Variants in ABAT observed in about 807,000 individuals in gnomAD.
ABAT encodes the protein 4-aminobutyrate aminotransferase, mitochondrial.
Under a neutral mutation model 64.6 loss-of-function variants are expected in ABAT, and 45 were observed. That is an observed-to-expected ratio of 0.70 (90% CI 0.55 to 0.89). The LOEUF is 0.89. Among genes scored for constraint, ABAT ranks in the 40% least tolerant of loss-of-function variants. The pLI, the probability that ABAT is intolerant of heterozygous loss-of-function variation, is 0.00. For synonymous variants in ABAT, 297 were observed against 250.5 expected, an observed-to-expected ratio of 1.19 and a Z score of -1.75; for missense variants, 633 against 658.4, an observed-to-expected ratio of 0.96 and a Z score of 0.42.
chr16:8,770,834 A>C lies in ABAT; in HGVS notation c.816+1861A>C, dbSNP rs573296819. Among the ~76,000 whole-genome samples the C allele has an allele frequency of 1.9e-4, 29 of 152,324 alleles. 1 individual carries two copies. The South Asian group carries it at 5.0e-3, about 26-fold the overall frequency. ...AATATATTCAAAATATTATCACGTAAATGTGTAATTAGTATTTTTAAACAA... is the reference window on the plus strand; with the variant it reads ...AATATATTCAAAATATTATCACGTACATGTGTAATTAGTATTTTTAAACAA... On this transcript the variant is annotated intron_variant, in intron 11 of 15. Transcript: ENST00000268251.
At chr16:8,757,471 T>A (rs1056082051) in intron 5 of ABAT, among the ~76,000 whole-genome samples, 1 of 152,078 alleles carries the variant, frequency 6.6e-6, no homozygotes, top group South Asian at 2.1e-4. Flanking sequence ...CGTGGCGCAT[T>A]TATCTCACCT....
intron 11 of ABAT, among the ~76,000 whole-genome samples, chr16:8,771,104 T>C (rs2060093095): frequency 6.6e-6 from 1 of 152,066 alleles, no homozygotes; most frequent in Non-Finnish European, 1.5e-5. Flanking sequence ...AAGAGCAGCC[T>C]GACTAACATG....
At chr16:8,731,642 T>A (rs2058722075) in intron 1 of ABAT, 1 of 152,076 alleles carries the variant, frequency 6.6e-6, no homozygotes, top group Non-Finnish European at 1.5e-5. Context: ...CTTTTTTTTT[T>A]TTTAATTGTT....
chr16:8,781,118 G>A lies in ABAT; in HGVS notation c.1382-191G>A. 1 of 819,850 alleles carries A rather than the reference G, an allele frequency of 1.2e-6. No homozygotes were observed. The highest frequency in any genetic ancestry group is 2.1e-6 in the Non-Finnish European group (1 of 470,668). 50.8% of individuals were successfully genotyped at this position (819,850 alleles called of 1,614,324 possible). ...AGAATGATGGAGGAGATGAATGAGG[G>A]GAGAGAGAAAGGAAATGAAGACTGG... On this transcript the variant is annotated intron_variant, in intron 15 of 15. Transcript: ENST00000268251. This position sits in a 1 kb window ranked among gnomAD's most constrained non-coding sequence, Gnocchi z 4.5.
intron 2 of ABAT, chr16:8,737,228 C>T (rs550610821): frequency 2.6e-5 from 4 of 152,294 alleles, no homozygotes; most frequent in African/African-American, 9.6e-5. Flanking sequence ...ACTGTAATCC[C>T]AGCACTTTGG....
At chr16:8,752,404 G>A (rs1158520069) in intron 5 of ABAT, among the ~76,000 whole-genome samples, 3 of 152,164 alleles carry the variant, frequency 2.0e-5, no homozygotes. Context: ...CAGTCTGAAT[G>A]CCCAGCTAGC....
chr16:8,768,375 CA>C lies in ABAT; in HGVS notation c.667+120del, dbSNP rs33948976. 912,303 of 1,054,044 alleles carry C rather than the reference CA, an allele frequency of 0.87. 395,521 individuals are homozygous for C. Among genetic ancestry groups the C allele is most frequent in the Admixed American group, 0.91 (48,123 of 53,058 alleles). 65.3% of individuals were successfully genotyped at this position (1,054,044 alleles called of 1,614,324 possible). A position where few individuals can be genotyped will look rare whatever the true frequency, so the allele number is the denominator to read the frequency against. On this transcript the variant is annotated intron_variant, in intron 10 of 15. Transcript: ENST00000268251. ...TTGTCCCACTGATTGCACACAATCC[CA>C]CTGCAGAGTGGGGATTATTATTCCT...
chr16:8,712,944 C>G (rs1447740755), intron 1 of ABAT: 1 of 152,266 alleles, frequency 6.6e-6, no homozygotes, highest in Non-Finnish European at 1.5e-5. Flanking sequence ...GCTCTCTGCC[C>G]CCCCAACCCC....
rs372807667 is a variant in ABAT, at chr16:8,768,834, C to G, written c.677C>G (p.Ala226Gly). The G allele has an allele frequency of 6.8e-6, 11 of 1,614,038 alleles. No individual in the cohort carries two copies. The highest frequency in any genetic ancestry group is 9.3e-6 in the Non-Finnish European group (11 of 1,180,036). ...AFHGRTMGCL[A>G]TTHSKAIHKI... Reference sequence around the variant, plus strand: ...GTTTTGCTGAACTCAGGTTGCTTAGCGACCACGCACTCTAAAGCCATTCAC... The same window carrying G: ...GTTTTGCTGAACTCAGGTTGCTTAGGGACCACGCACTCTAAAGCCATTCAC... Residue 226 changes from alanine to glycine, a missense_variant, in exon 11 of 16, where the codon GCG (alanine) becomes GGG (glycine). Physicochemically the swap from Ala to Gly is moderately conservative, Grantham distance 60. Coordinates refer to ENST00000268251, the MANE Select transcript of ABAT (RefSeq NM_020686.6).
At chr16:8,714,326 A>AC (rs962078890) in intron 1 of ABAT, among the ~76,000 whole-genome samples, 6 of 151,980 alleles carry the variant, frequency 3.9e-5, no homozygotes, top group African/African-American at 1.2e-4. Context: ...AAACACACAC[A>AC]CCCCTTTCTC....
chr16:8,774,786 G>A (rs146300820), intron 12 of ABAT, 104 bp from the exon 13 acceptor site: 10 of 1,407,060 alleles, frequency 7.1e-6, no homozygotes, highest in African/African-American at 4.2e-5. Context: ...AAACAAGCAC[G>A]ATGTGTGTGG....
At chr16:8,724,630 G>T (rs1365003700) in intron 1 of ABAT, among the ~76,000 whole-genome samples, 1 of 148,720 alleles carries the variant, frequency 6.7e-6, no homozygotes, top group Non-Finnish European at 1.5e-5. Flanking sequence ...CAGCTACTCG[G>T]TAGGCTGAGA....
At chr16:8,757,467 G>A (rs72770147) in intron 5 of ABAT, among the ~76,000 whole-genome samples, 23,743 of 151,894 alleles carry the variant, frequency 0.16, 1,997 homozygotes, top group East Asian at 0.23. Flanking sequence ...CACACGTGGC[G>A]CATTTATCTC....
intron 1 of ABAT, among the ~76,000 whole-genome samples, chr16:8,721,165 G>A (rs2142177124): frequency 6.6e-6 from 1 of 151,586 alleles, no homozygotes; most frequent in East Asian, 1.9e-4. Context: ...GGCCAGGGAT[G>A]TCTAGTCTGG....
Position 8,679,801 on chromosome 16 carries a change from T to C in ABAT, c.-42+5090T>C, listed in dbSNP as rs559012520. 2.0e-5 allele frequency among the ~76,000 whole-genome samples: 3 copies of C among 152,216 alleles called. No individual in the cohort carries two copies. In the East Asian group the frequency reaches 5.8e-4, roughly 29 times the overall value. ...GTCCTCACTTCTTCACTTTGCCCTC[T>C]GATCCACCATGACCACTCTGCTGCA... On this transcript the variant is annotated intron_variant, in intron 1 of 15. Coordinates refer to ENST00000268251, the MANE Select transcript of ABAT (RefSeq NM_020686.6).
chr16:8,680,332 T>C (rs2141902871), intron 1 of ABAT, among the ~76,000 whole-genome samples: 1 of 152,346 alleles, frequency 6.6e-6, no homozygotes, highest in East Asian at 1.9e-4. Context: ...ACAGTAGATA[T>C]TCAAGGAGCA....
intron 2 of ABAT, among the ~76,000 whole-genome samples, chr16:8,744,373 T>A (rs2059270649): frequency 6.7e-6 from 1 of 149,800 alleles, no homozygotes; most frequent in Non-Finnish European, 1.5e-5. Context: ...AGCCACACAT[T>A]TTTTTTTCTT....
chr16:8,703,927 A>G (rs1422508173), intron 1 of ABAT, among the ~76,000 whole-genome samples: 1 of 152,244 alleles, frequency 6.6e-6, no homozygotes, highest in African/African-American at 2.4e-5. Context: ...CTTTATTTAA[A>G]AAAGCAGGCC....
intron 1 of ABAT, among the ~76,000 whole-genome samples, chr16:8,733,714 G>A (rs62031060): frequency 0.097 from 14,655 of 151,832 alleles, 924 homozygotes; most frequent in East Asian, 0.24. Context: ...GCAGGCACTC[G>A]GCAGGCTGAG....
Sources: gnomAD v4.1 joint callset for allele counts (sites outside exome capture counted in the v4.1 genomes callset) on GRCh38, gnomAD v4.1.1 for gene constraint, Gnocchi (gnomAD v3.1) non-coding constraint, MANE v1.5 for transcripts, NCBI Gene and HGNC (gene_info 2026-07-23, HGNC 2026-07-21) for gene names.